Variants in ZNF787 observed in about 807,000 individuals in gnomAD.
ZNF787 encodes zinc finger protein 787.
A neutral mutation model predicts 16.9 loss-of-function variants in ZNF787; 7 were observed. The ratio of observed to expected loss-of-function variants is 0.42; its 90% CI spans 0.24 to 0.78. The LOEUF is 0.78. Among genes scored for constraint, ZNF787 ranks in the 30% least tolerant of loss-of-function variants. The probability of loss-of-function intolerance (pLI) is 0.30; values close to 1 mark genes in which losing one functional copy is unlikely to be tolerated. For synonymous variants in ZNF787, 345 were observed against 270.9 expected (o/e 1.27, Z -2.69); for missense variants, 551 against 589.3 (o/e 0.94, Z 0.67).
In ZNF787 at chr19:56,088,294, G is replaced by A. The variant is rs1016781759; in HGVS notation, c.878C>T (p.Ala293Val). 25 of 1,357,788 alleles carry A rather than the reference G, an allele frequency of 1.8e-5. No homozygotes were observed. The highest frequency in any genetic ancestry group is 3.8e-5 in the Admixed American group (1 of 26,444). 84.1% of individuals were successfully genotyped at this position (1,357,788 alleles called of 1,614,324 possible). The change falls in exon 3 of 3, where the codon GCC becomes GTC. Residue 293 changes from alanine (A) to valine (V), a missense_variant. Physicochemically the swap from Ala to Val is moderately conservative, Grantham distance 64. Around this residue, in one of 4 missense-constraint regions of ZNF787, gnomAD observed 392 missense variants for 312.7 expected, o/e 1.25. Transcript: ENST00000610935. The surrounding 1 kb of genome is among the most constrained non-coding windows in gnomAD (Gnocchi z 8.6). ...GGCCCGCTGGTGCGCCAGGAGCCCGGCCCCGTGCCCGAAGCCCTTCCCGCA... is the reference window on the plus strand; with the variant it reads ...GGCCCGCTGGTGCGCCAGGAGCCCGACCCCGTGCCCGAAGCCCTTCCCGCA... ...LECGKGFGHGAGLLAHQRAQH... is the reference protein window; with the variant it reads ...LECGKGFGHGVGLLAHQRAQH...
At chr19:56,103,478 G>A (rs1047560540) in intron 1 of ZNF787, 6 of 414,510 alleles carry the variant, frequency 1.4e-5, no homozygotes, top group African/African-American at 6.1e-5. Context: ...TACAACCACC[G>A]CCAGTTCCCA....
intron 1 of ZNF787, 172 bp from the exon 2 acceptor site, chr19:56,103,399 C>T: frequency 1.9e-6 from 1 of 535,740 alleles, no homozygotes; most frequent in African/African-American, 1.9e-5. Flanking sequence ...CTAGCCTGGC[C>T]GCTCCCCACT....
At position 56,087,427 on chromosome 19, in the gene ZNF787, G is replaced by A. The variant is rs568975113; in HGVS notation, c.*596C>T. 1 of 152,348 alleles carries A rather than the reference G, an allele frequency of 6.6e-6. No homozygotes were observed. The highest frequency in any genetic ancestry group is 2.1e-4 in the South Asian group (1 of 4,836). 9.4% of individuals were successfully genotyped at this position (152,348 alleles called of 1,614,324 possible). On this transcript the variant is annotated 3_prime_UTR_variant, in exon 3 of 3. Transcript: ENST00000610935. Reference sequence around the variant, plus strand: ...CTTCCTCCACCACGCCCAGGCCTGGGACAAACGGGCACCCGCCTCCTGCGG... The same window carrying A: ...CTTCCTCCACCACGCCCAGGCCTGGAACAAACGGGCACCCGCCTCCTGCGG...
intron 1 of ZNF787, among the ~76,000 whole-genome samples, chr19:56,120,920 G>A: frequency 1.1e-5 from 1 of 94,000 alleles, no homozygotes; most frequent in Non-Finnish European, 2.1e-5. Flanking sequence ...CCCCCCTCCA[G>A]CCCCGCTCGC....
chr19:56,095,627 C>T (rs909093299), intron 2 of ZNF787, among the ~76,000 whole-genome samples: 1 of 152,202 alleles, frequency 6.6e-6, no homozygotes, highest in African/African-American at 2.4e-5. Context: ...TCCTCTGTTG[C>T]CAAGGACAGG....
At chr19:56,092,401 C>A (rs547447782) in intron 2 of ZNF787, among the ~76,000 whole-genome samples, 1 of 152,306 alleles carries the variant, frequency 6.6e-6, no homozygotes, top group East Asian at 1.9e-4. Flanking sequence ...TCCTCCACTC[C>A]AGATCCCCTA....
chr19:56,109,878 C>T (rs1378591150), intron 1 of ZNF787, among the ~76,000 whole-genome samples: 6 of 151,944 alleles, frequency 3.9e-5, no homozygotes, highest in East Asian at 1.9e-4. Flanking sequence ...AGTGAGACTC[C>T]GTCTCAAAAA....
Position 56,088,395 on chromosome 19 carries a change from C to A in ZNF787, c.777G>T (p.Met259Ile). 9.0e-7 allele frequency: 1 copy of A among 1,107,250 alleles called. No homozygotes were observed. Among genetic ancestry groups the A allele is most frequent in the South Asian group, 4.2e-5 (1 of 23,614 alleles). The allele number at this position is 1,107,250 out of a possible 1,614,324, so 68.6% of individuals were successfully genotyped here. A position where few individuals can be genotyped will look rare whatever the true frequency, so the allele number is the denominator to read the frequency against. ...CCGCGGCCTTTGCCCCCGCGCCCGC[C>A]ATGGCTGCCGCGGCCGCGGCCCCCT... The part of the protein sequence containing the change: ...PGEGAAAAAA[M>I]AGAGAKAAGP... Residue 259 changes from methionine (M) to isoleucine (I), a missense_variant, in exon 3 of 3, where the codon ATG (methionine) becomes ATT (isoleucine). Physicochemically the swap from Met to Ile is conservative, Grantham distance 10. Coordinates refer to ENST00000610935, the MANE Select transcript of ZNF787 (RefSeq NM_001002836.4). This position sits in a 1 kb window ranked among gnomAD's most constrained non-coding sequence, Gnocchi z 8.6.
intron 1 of ZNF787, among the ~76,000 whole-genome samples, chr19:56,120,305 T>C (rs1370425092): frequency 2.0e-5 from 3 of 152,168 alleles, no homozygotes; most frequent in African/African-American, 4.8e-5. Flanking sequence ...TCCACATGAA[T>C]TGGGGTCAGC....
At chr19:56,092,673 G>A (rs750342574) in intron 2 of ZNF787, among the ~76,000 whole-genome samples, 12 of 152,176 alleles carry the variant, frequency 7.9e-5, no homozygotes, top group Non-Finnish European at 1.6e-4. Context: ...CAAGGACATA[G>A]GGGATGACAG....
At chr19:56,103,878 C>T (rs1226220906) in intron 1 of ZNF787, among the ~76,000 whole-genome samples, 1 of 52,344 alleles carries the variant, frequency 1.9e-5, no homozygotes. Flanking sequence ...TGCCACGCAC[C>T]GGGAGGGTCC....
chr19:56,118,005 C>T (rs866411293), intron 1 of ZNF787, among the ~76,000 whole-genome samples: 5 of 152,240 alleles, frequency 3.3e-5, no homozygotes, highest in African/African-American at 4.8e-5. Flanking sequence ...ACGGCAGAGA[C>T]GGAACCAGGA....
rs1985336114 is a variant in ZNF787 at position 56,087,741 on chromosome 19, C to T, written c.*282G>A. 3.0e-6 allele frequency: 1 copy of T among 334,568 alleles called. No individual in the cohort carries two copies. The highest frequency in any genetic ancestry group is 5.0e-6 in the Non-Finnish European group (1 of 199,436). The allele number at this position is 334,568 out of a possible 1,614,324, so 20.7% of individuals were successfully genotyped here. A position where few individuals can be genotyped will look rare whatever the true frequency, so the allele number is the denominator to read the frequency against. On this transcript the variant is annotated 3_prime_UTR_variant, in exon 3 of 3. Transcript: ENST00000610935. The stretch of plus-strand genomic sequence containing the variant: ...CGCTTGGGGCCTGGTCGCCACTCGG[C>T]CTCTGCAGTTCTCTCCATTGTCTCT...
In ZNF787 at chr19:56,104,564, G is replaced by A. The variant is rs528507691; in HGVS notation, c.-10-1337C>T. ...TGCCACGCACCAGGAAGGTCTCTACGCACACCACCCACCCGTGCCACGTAC... is the reference window on the plus strand; with the variant it reads ...TGCCACGCACCAGGAAGGTCTCTACACACACCACCCACCCGTGCCACGTAC... On this transcript the variant is annotated intron_variant, in intron 1 of 2. Transcript: ENST00000610935. 1.1e-3 allele frequency among the ~76,000 whole-genome samples: 169 copies of A among 150,812 alleles called. 1 individual carries two copies. Among genetic ancestry groups the A allele is most frequent in the Middle Eastern group, 6.8e-3 (2 of 292 alleles).
At position 56,087,811 on chromosome 19, in the gene ZNF787, G is replaced by A. The variant is rs1985345386; in HGVS notation, c.*212C>T. On this transcript the variant is annotated 3_prime_UTR_variant, in exon 3 of 3. Transcript: ENST00000610935. ...CTTAGGAAGGGCGGGCCAGGCTGAG[G>A]GGGCAGAGTCTCGAGGCGGAGAAGT... is the stretch of plus-strand genomic sequence containing the variant. 6 of 748,712 alleles carry A rather than the reference G, an allele frequency of 8.0e-6. No individual in the cohort carries two copies. The highest frequency in any genetic ancestry group is 1.9e-5 in the African/African-American group (1 of 54,046). The allele number at this position is 748,712 out of a possible 1,614,324, so 46.4% of individuals were successfully genotyped here.
intron 1 of ZNF787, among the ~76,000 whole-genome samples, chr19:56,103,872 A>T (rs1199612842): frequency 1.8e-5 from 1 of 56,930 alleles, no homozygotes; most frequent in Non-Finnish European, 3.7e-5. Context: ...GACCCGTGCC[A>T]CGCACCGGGA....
rs757287591 is a variant in ZNF787, at chr19:56,088,022, C to G, written c.*1G>C. The G allele has an allele frequency of 1.6e-6, 2 of 1,230,616 alleles. No individual in the cohort carries two copies. Among genetic ancestry groups the G allele is most frequent in the Non-Finnish European group, 2.0e-6 (2 of 982,974 alleles). 76.2% of individuals were successfully genotyped at this position (1,230,616 alleles called of 1,614,324 possible). On this transcript the variant is annotated 3_prime_UTR_variant, in exon 3 of 3. Transcript: ENST00000610935. This position sits in a 1 kb window ranked among gnomAD's most constrained non-coding sequence, Gnocchi z 8.6. ...CCCGCCCCCCCCCCCGGGCCCCTCCCCTACCGGCCCTCCCCACCGCGGCAC... is the reference window on the plus strand; with the variant it reads ...CCCGCCCCCCCCCCCGGGCCCCTCCGCTACCGGCCCTCCCCACCGCGGCAC...
chr19:56,109,008 C>T (rs1003623418), intron 1 of ZNF787, among the ~76,000 whole-genome samples: 3 of 151,734 alleles, frequency 2.0e-5, no homozygotes, highest in African/African-American at 7.2e-5. Flanking sequence ...AAGAGACCCA[C>T]GCCGGGGAGG....
chr19:56,101,339 T>C (rs545909222), intron 2 of ZNF787, among the ~76,000 whole-genome samples: 2 of 152,378 alleles, frequency 1.3e-5, no homozygotes, highest in Non-Finnish European at 2.9e-5. Context: ...GCAGGGGTGA[T>C]GCTCCAGAGG....
Sources: allele counts gnomAD v4.1 joint callset (sites outside exome capture counted in the v4.1 genomes callset), GRCh38; gene constraint gnomAD v4.1.1; regional missense constraint gnomAD v4.1.1; non-coding constraint Gnocchi (gnomAD v3.1); transcripts MANE v1.5; gene names NCBI Gene and HGNC (gene_info 2026-07-23, HGNC 2026-07-21).